FRMPD4: variants seen among roughly 807,000 people sequenced by gnomAD.
FRMPD4 encodes the protein FERM and PDZ domain-containing protein 4.
In FRMPD4, 22 loss-of-function variants were observed where a neutral mutation model predicts 94.1. The ratio of observed to expected loss-of-function variants is 0.23; its 90% CI spans 0.17 to 0.33. The LOEUF (loss-of-function observed/expected upper bound fraction) is 0.33. FRMPD4 is among the 10% of genes least tolerant of loss of function. FRMPD4 has a pLI of 1.00. For synonymous variants in FRMPD4, 631 were observed against 548.6 expected (o/e 1.15, Z -2.10); for missense variants, 1,111 against 1,339.9 (o/e 0.83, Z 2.67).
At chrX:12,351,577 T>C (rs1249747486) in intron 1 of FRMPD4, among the ~76,000 whole-genome samples, 1 of 112,589 alleles carries the variant, frequency 8.9e-6, no homozygotes, top group Non-Finnish European at 1.9e-5. Flanking sequence ...TTTCATAAAG[T>C]AAGCACACAC....
At chrX:12,416,525 C>T (rs1326928867) in intron 1 of FRMPD4, among the ~76,000 whole-genome samples, 3 of 112,293 alleles carry the variant, frequency 2.7e-5, no homozygotes, top group South Asian at 3.7e-4. Context: ...CGTTCTTTTT[C>T]GATTTATGTA....
intron 1 of FRMPD4, among the ~76,000 whole-genome samples, chrX:12,393,750 A>T (rs1054744442): frequency 2.7e-5 from 3 of 111,998 alleles, no homozygotes; most frequent in African/African-American, 9.7e-5. Context: ...ATTTGTACAT[A>T]TTTTTTTCTC....
At chrX:11,840,748 TTTA>T (rs1335491367) in intron 1 of FRMPD4, among the ~76,000 whole-genome samples, 1 of 108,653 alleles carries the variant, frequency 9.2e-6, no homozygotes, top group Non-Finnish European at 1.9e-5. Context: ...TTTTTTTAAT[TTTA>T]TTATTATTAT....
intron 3 of FRMPD4, among the ~76,000 whole-genome samples, chrX:11,941,852 C>T (rs1242560176): frequency 8.9e-6 from 1 of 111,770 alleles, no homozygotes; most frequent in Non-Finnish European, 1.9e-5. Context: ...CTCCTTCCTC[C>T]CAAGGCAACA....
chrX:12,240,804 T>G (rs1274194932), intron 1 of FRMPD4, among the ~76,000 whole-genome samples: 3 of 112,184 alleles, frequency 2.7e-5, no homozygotes, highest in Non-Finnish European at 5.6e-5. Flanking sequence ...ATCAAGGCAG[T>G]GTTTTATTTT....
At chrX:11,923,712 T>A (rs1207535720) in intron 3 of FRMPD4, among the ~76,000 whole-genome samples, 2 of 112,407 alleles carry the variant, frequency 1.8e-5, no homozygotes, top group African/African-American at 6.5e-5. Flanking sequence ...GTTGGCTGAA[T>A]GCATCTTATA....
intron 1 of FRMPD4, among the ~76,000 whole-genome samples, chrX:12,191,884 A>G (rs1298319260): frequency 9.0e-6 from 1 of 111,669 alleles, no homozygotes; most frequent in Non-Finnish European, 1.9e-5. Flanking sequence ...TTGGGTGATA[A>G]TGATGTGTCA....
At chrX:12,166,506 A>C (rs1017428456) in intron 1 of FRMPD4, among the ~76,000 whole-genome samples, 1 of 111,253 alleles carries the variant, frequency 9.0e-6, no homozygotes. Context: ...ATTGGTCTAA[A>C]ATTCTCTTTT....
At chrX:12,208,369 G>A (rs1247334426) in intron 1 of FRMPD4, among the ~76,000 whole-genome samples, 2 of 110,116 alleles carry the variant, frequency 1.8e-5, no homozygotes, top group Non-Finnish European at 3.8e-5. Flanking sequence ...AGCAGATAAA[G>A]ACTACTATAA....
chrX:11,981,447 C>G (rs1405258828), intron 3 of FRMPD4, among the ~76,000 whole-genome samples: 1 of 110,950 alleles, frequency 9.0e-6, no homozygotes, highest in Non-Finnish European at 1.9e-5. Flanking sequence ...ATCTTTTTAT[C>G]TTTATGTAGT....
intron 3 of FRMPD4, among the ~76,000 whole-genome samples, chrX:12,112,333 C>T (rs869036355): frequency 1.4e-4 from 15 of 111,013 alleles, no homozygotes; most frequent in South Asian, 3.8e-4. Context: ...AACCAAACAC[C>T]GCATGTTCTC....
At chrX:12,313,664 C>G (rs2055069397) in intron 1 of FRMPD4, among the ~76,000 whole-genome samples, 1 of 112,238 alleles carries the variant, frequency 8.9e-6, no homozygotes, top group Non-Finnish European at 1.9e-5. Context: ...TTGGAAAACT[C>G]TAACCCTTTG....
chrX:11,955,289 G>A (rs1456756599), intron 3 of FRMPD4, among the ~76,000 whole-genome samples: 2 of 110,334 alleles, frequency 1.8e-5, no homozygotes, highest in East Asian at 5.7e-4. Context: ...GGGTGCGTGG[G>A]GGGACACAAA....
At chrX:12,094,166 C>A (rs750872375) in intron 3 of FRMPD4, among the ~76,000 whole-genome samples, 26 of 111,740 alleles carry the variant, frequency 2.3e-4, no homozygotes, top group Admixed American at 1.9e-3. Flanking sequence ...TCTCAAAGAC[C>A]AGGAGGGTGA....
intron 1 of FRMPD4, among the ~76,000 whole-genome samples, chrX:11,846,422 G>A (rs1402605843): frequency 9.0e-6 from 1 of 110,958 alleles, no homozygotes; most frequent in African/African-American, 3.3e-5. Context: ...CCATGGGTAG[G>A]AAGAATCAAT....
intron 1 of FRMPD4, among the ~76,000 whole-genome samples, chrX:12,317,524 A>G (rs1490406054): frequency 5.6e-5 from 6 of 107,052 alleles, no homozygotes; most frequent in African/African-American, 2.0e-4. Flanking sequence ...ATATTTGCAA[A>G]TTATTCATCC....
chrX:11,892,915 G>A (rs766018368), intron 3 of FRMPD4, among the ~76,000 whole-genome samples: 1 of 112,016 alleles, frequency 8.9e-6, no homozygotes, highest in Non-Finnish European at 1.9e-5. Flanking sequence ...ATACCCGGAC[G>A]TCAAAATTAA....
At chrX:12,002,338 A>G (rs2054528794) in intron 3 of FRMPD4, among the ~76,000 whole-genome samples, 1 of 112,012 alleles carries the variant, frequency 8.9e-6, no homozygotes, top group Non-Finnish European at 1.9e-5. Flanking sequence ...TTTCATAGGC[A>G]GGCAGCTTTG....
At chrX:12,676,381 T>C (rs763024122) in intron 5 of FRMPD4, among the ~76,000 whole-genome samples, 2 of 112,955 alleles carry the variant, frequency 1.8e-5, no homozygotes, top group East Asian at 5.5e-4. Flanking sequence ...ACAAATTCAT[T>C]TGGGTAAAGC....
Sources: gnomAD v4.1 joint callset for allele counts (sites outside exome capture counted in the v4.1 genomes callset) on GRCh38, gnomAD v4.1.1 for gene constraint, MANE v1.5 for transcripts, NCBI Gene and HGNC (gene_info 2026-07-23, HGNC 2026-07-21) for gene names.